CALN1: variants seen among roughly 807,000 people sequenced by gnomAD.
CALN1 encodes the protein calcium-binding protein 8.
A neutral mutation model predicts 30.6 loss-of-function variants in CALN1; 17 were observed. The observed-to-expected ratio is 0.56, with a 90% CI of 0.38 to 0.83. The LOEUF (loss-of-function observed/expected upper bound fraction) is 0.83, where lower values mean the gene tolerates loss of function less well. Among genes scored for constraint, CALN1 ranks in the 40% least tolerant of loss-of-function variants. CALN1 has a pLI of 0.00. For synonymous variants in CALN1, 156 were observed against 131.4 expected, an observed-to-expected ratio of 1.19 and a Z score of -1.28; for missense variants, 291 against 354.9, an observed-to-expected ratio of 0.82 and a Z score of 1.45.
intron 3 of CALN1, among the ~76,000 whole-genome samples, chr7:72,178,971 C>T (rs1393680704): frequency 2.6e-5 from 4 of 152,100 alleles, no homozygotes; most frequent in African/African-American, 7.2e-5. Context: ...AGGCTAACCC[C>T]CAATAATATT....
At chr7:72,224,262 T>C (rs1273893104) in intron 3 of CALN1, among the ~76,000 whole-genome samples, 1 of 152,160 alleles carries the variant, frequency 6.6e-6, no homozygotes, top group Admixed American at 6.5e-5. Context: ...TTTCATTCAC[T>C]AGAGGAGGTA....
At chr7:72,450,531 A>G (rs1808638576), upstream of CALN1, among the ~76,000 whole-genome samples, 1 of 152,168 alleles carries the variant, frequency 6.6e-6, no homozygotes, top group South Asian at 2.1e-4. Context: ...TCCAAACACT[A>G]TTCCTACTAC....
chr7:71,917,857 T>C (rs1332165564), intron 5 of CALN1, among the ~76,000 whole-genome samples: 2 of 152,204 alleles, frequency 1.3e-5, no homozygotes, highest in Non-Finnish European at 2.9e-5. Context: ...ACACAAAGTA[T>C]GCATATATCA....
chr7:72,019,063 C>G (rs1007614247), intron 5 of CALN1, among the ~76,000 whole-genome samples: 2 of 150,292 alleles, frequency 1.3e-5, no homozygotes, highest in African/African-American at 4.9e-5. Context: ...GTTGGCCAGG[C>G]TGGTCTCAAA....
intron 3 of CALN1, among the ~76,000 whole-genome samples, chr7:72,169,927 AG>A (rs1788818227): frequency 6.6e-6 from 1 of 152,016 alleles, no homozygotes; most frequent in Admixed American, 6.5e-5. Flanking sequence ...TCCTGACCTC[AG>A]GTGATCCACC....
intron 5 of CALN1, among the ~76,000 whole-genome samples, chr7:71,868,346 C>A (rs956615943): frequency 6.7e-6 from 1 of 149,044 alleles, no homozygotes; most frequent in African/African-American, 2.5e-5. Flanking sequence ...GCAGGAACAG[C>A]GAGAGGGGAG....
intron 3 of CALN1, among the ~76,000 whole-genome samples, chr7:72,108,894 G>A (rs569441723): frequency 4.7e-4 from 72 of 152,278 alleles, no homozygotes; most frequent in African/African-American, 1.7e-3. Flanking sequence ...CACCAAACCA[G>A]GGGTCATGGA....
At chr7:72,393,666 G>GA in intron 2 of CALN1, among the ~76,000 whole-genome samples, 1 of 151,508 alleles carries the variant, frequency 6.6e-6, no homozygotes, top group Non-Finnish European at 1.5e-5. Context: ...TAGGTATACA[G>GA]AATTCTGATG....
chr7:72,268,599 C>A (rs375545542), intron 3 of CALN1, among the ~76,000 whole-genome samples: 1 of 151,988 alleles, frequency 6.6e-6, no homozygotes, highest in Non-Finnish European at 1.5e-5. Context: ...TGAGCCCAGG[C>A]GTTCAAGACC....
At chr7:72,295,239 A>C (rs533983616) in intron 2 of CALN1, among the ~76,000 whole-genome samples, 117 of 152,356 alleles carry the variant, frequency 7.7e-4, no homozygotes, top group African/African-American at 2.5e-3. Context: ...GTCAATGTTT[A>C]AATTAAAGTT....
the CALN1 span, among the ~76,000 whole-genome samples, chr7:72,501,862 T>C: frequency 7.5e-6 from 1 of 133,452 alleles, no homozygotes; most frequent in African/African-American, 2.9e-5. Context: ...TGAGCTGAGA[T>C]CATGCCACTG....
intron 3 of CALN1, among the ~76,000 whole-genome samples, chr7:72,215,279 A>AC (rs1792702832): frequency 6.6e-6 from 1 of 152,114 alleles, no homozygotes; most frequent in Non-Finnish European, 1.5e-5. Context: ...AACTTGCCTC[A>AC]CCACCTCTGT....
intron 3 of CALN1, among the ~76,000 whole-genome samples, chr7:72,275,918 T>G (rs1396220365): frequency 6.6e-6 from 1 of 152,160 alleles, no homozygotes; most frequent in Non-Finnish European, 1.5e-5. Flanking sequence ...TGAAAAGCCA[T>G]GCACCCCCAC....
intron 5 of CALN1, among the ~76,000 whole-genome samples, chr7:71,892,998 T>G (rs191718912): frequency 8.3e-4 from 127 of 152,304 alleles, no homozygotes; most frequent in Admixed American, 2.7e-3. Flanking sequence ...TTGCAAGGCT[T>G]TGAAATTGAC....
intron 3 of CALN1, among the ~76,000 whole-genome samples, chr7:72,272,059 CAAAAA>C (rs36004477): frequency 1.7e-5 from 2 of 120,908 alleles, no homozygotes; most frequent in Non-Finnish European, 1.7e-5. Flanking sequence ...AAGATTCTGT[CAAAAA>C]AAAAAAAAAA....
intron 2 of CALN1, among the ~76,000 whole-genome samples, chr7:72,367,934 C>T (rs1258515932): frequency 6.6e-6 from 1 of 151,906 alleles, no homozygotes; most frequent in Admixed American, 6.6e-5. Context: ...GAGATTGAGA[C>T]CATCCTGGCT....
At chr7:72,338,708 G>A (rs1008489672) in intron 2 of CALN1, among the ~76,000 whole-genome samples, 1 of 151,760 alleles carries the variant, frequency 6.6e-6, no homozygotes, top group Admixed American at 6.6e-5. Context: ...ATATTTATGG[G>A]GTACATGAGA....
At chr7:72,174,231 T>C (rs1167130080) in intron 3 of CALN1, among the ~76,000 whole-genome samples, 1 of 152,122 alleles carries the variant, frequency 6.6e-6, no homozygotes, top group Non-Finnish European at 1.5e-5. Flanking sequence ...TTAGACATAG[T>C]ATCAGGATTG....
chr7:72,360,607 T>C (rs1463205184), intron 2 of CALN1, among the ~76,000 whole-genome samples: 1 of 133,174 alleles, frequency 7.5e-6, no homozygotes, highest in Admixed American at 7.2e-5. Flanking sequence ...TTCTTTTCTA[T>C]TTTTTTTTTA....
Sources: allele counts gnomAD v4.1 joint callset (sites outside exome capture counted in the v4.1 genomes callset), GRCh38; gene constraint gnomAD v4.1.1; transcripts MANE v1.5; gene names NCBI Gene and HGNC (gene_info 2026-07-23, HGNC 2026-07-21).